The following TLE1 variants were observed in gnomAD, a reference collection of about 807,000 sequenced individuals.
TLE1 encodes TLE family member 1, transcriptional corepressor, also known as transducin-like enhancer protein 1.
In TLE1, 21 loss-of-function variants were observed where a neutral mutation model predicts 89.8. The observed-to-expected ratio is 0.23, with a 90% CI of 0.17 to 0.34. TLE1 has a LOEUF of 0.34. Ranked by LOEUF, TLE1 falls within the 10% of genes least tolerant of loss-of-function variation. The pLI is 1.00. For synonymous variants in TLE1, 447 were observed against 407.6 expected (o/e 1.10, Z -1.16); for missense variants, 795 against 1,031.2 (o/e 0.77, Z 3.14).
intron 11 of TLE1, among the ~76,000 whole-genome samples, chr9:81,613,941 T>G (rs1027917642): frequency 4.4e-5 from 6 of 135,134 alleles, no homozygotes; most frequent in South Asian, 2.4e-4. Flanking sequence ...GGAGTCTCAC[T>G]CTGTCACCCA....
intron 8 of TLE1, among the ~76,000 whole-genome samples, chr9:81,632,496 T>TTTA (rs1554681252): frequency 1.3e-5 from 2 of 149,392 alleles, no homozygotes; most frequent in Admixed American, 6.7e-5. Flanking sequence ...TTTTTTTTTT[T>TTTA]ACCATATTAA....
At chr9:81,634,018 T>G in intron 7 of TLE1, 79 bp downstream of exon 7, 1 of 1,450,736 alleles carries the variant, frequency 6.9e-7, no homozygotes, top group Non-Finnish European at 9.3e-7. Flanking sequence ...GTTGGGGCTC[T>G]CTTTAGCGAT....
chr9:81,616,224 G>C (rs1233438126), intron 10 of TLE1, 90 bp from the exon 11 acceptor site: 2 of 1,486,618 alleles, frequency 1.3e-6, no homozygotes, highest in African/African-American at 1.4e-5. Context: ...TTTAAGGACA[G>C]AGCTGAAAGT....
intron 4 of TLE1, among the ~76,000 whole-genome samples, chr9:81,654,331 A>C (rs1355402339): frequency 6.6e-6 from 1 of 152,054 alleles, no homozygotes; most frequent in East Asian, 1.9e-4. Context: ...GTGACTATAT[A>C]TATATACACA....
intron 8 of TLE1, among the ~76,000 whole-genome samples, chr9:81,627,908 G>A (rs1826095019): frequency 6.6e-6 from 1 of 152,086 alleles, no homozygotes; most frequent in South Asian, 2.1e-4. Context: ...CCTGTGTAAT[G>A]TGTATTTTAA....
At chr9:81,653,584 A>T (rs1829814536) in intron 5 of TLE1, among the ~76,000 whole-genome samples, 1 of 152,226 alleles carries the variant, frequency 6.6e-6, no homozygotes, top group Non-Finnish European at 1.5e-5. Context: ...AGTACAAAAG[A>T]ACTATCTGCC....
chr9:81,585,179 C>T (rs573718370), intron 18 of TLE1, among the ~76,000 whole-genome samples: 1 of 152,254 alleles, frequency 6.6e-6, no homozygotes, highest in South Asian at 2.1e-4. Flanking sequence ...TAATGACTTC[C>T]ACTGCCCCTG....
chr9:81,656,022 C>G (rs536066014), intron 4 of TLE1, among the ~76,000 whole-genome samples: 5 of 152,252 alleles, frequency 3.3e-5, no homozygotes, highest in South Asian at 2.1e-4. Flanking sequence ...TCCCTGACCA[C>G]CAATGAGACA....
At chr9:81,653,884 C>A in intron 5 of TLE1, 90 bp downstream of exon 5, 1 of 1,220,244 alleles carries the variant, frequency 8.2e-7, no homozygotes. Context: ...ACACTTGTTC[C>A]TTGTGATAAA....
intron 8 of TLE1, among the ~76,000 whole-genome samples, chr9:81,624,978 A>AC (rs373293783): frequency 3.9e-4 from 59 of 152,282 alleles, no homozygotes; most frequent in African/African-American, 1.3e-3. Flanking sequence ...AGGGTCAAGT[A>AC]CCCTGTACAT....
chr9:81,651,840 C>T (rs1188641733), intron 6 of TLE1, among the ~76,000 whole-genome samples: 1 of 151,964 alleles, frequency 6.6e-6, no homozygotes, highest in African/African-American at 2.4e-5. Flanking sequence ...GATTTAGGGA[C>T]GGGCAAGGGG....
chr9:81,622,096 CT>C (rs1279262713), intron 8 of TLE1, among the ~76,000 whole-genome samples: 1 of 152,196 alleles, frequency 6.6e-6, no homozygotes, highest in East Asian at 1.9e-4. Flanking sequence ...GCTGACAAGG[CT>C]GCAGGAGACC....
intron 17 of TLE1, among the ~76,000 whole-genome samples, 153 bp downstream of exon 17, chr9:81,587,528 T>A (rs1002848290): frequency 1.2e-4 from 19 of 152,138 alleles, no homozygotes; most frequent in African/African-American, 4.6e-4. Context: ...GAGGAGGTGG[T>A]GGTCATTGTT....
At chr9:81,674,764 G>A (rs191948605) in intron 4 of TLE1, among the ~76,000 whole-genome samples, 15 of 152,244 alleles carry the variant, frequency 9.9e-5, no homozygotes, top group Admixed American at 6.5e-4. Context: ...CCTAAAAACC[G>A]TGTAATGGTG....
intron 8 of TLE1, among the ~76,000 whole-genome samples, chr9:81,627,495 T>C (rs1026572994): frequency 3.3e-5 from 5 of 152,174 alleles, no homozygotes; most frequent in Admixed American, 6.5e-5. Flanking sequence ...ACTGGGGCTT[T>C]CCTTTGAAGG....
Position 81,681,902 on chromosome 9 carries a change from G to A in TLE1, c.234+3774C>T, listed in dbSNP as rs534921536. Among the ~76,000 whole-genome samples the A allele has an allele frequency of 4.6e-5, 7 of 152,182 alleles. No individual in the cohort carries two copies. The South Asian group carries it at 1.4e-3, about 32-fold the overall frequency. On this transcript the variant is annotated intron_variant, in intron 4 of 19. Transcript: ENST00000376499. ...TCAGAACTGAAGAGGCAGGCACTAGGGAGACATGGTCCACCTCATCTTCCT... is the reference window on the plus strand; with the variant it reads ...TCAGAACTGAAGAGGCAGGCACTAGAGAGACATGGTCCACCTCATCTTCCT...
At chr9:81,591,870 A>C (rs1829565301) in intron 15 of TLE1, among the ~76,000 whole-genome samples, 2 of 152,188 alleles carry the variant, frequency 1.3e-5, no homozygotes, top group Non-Finnish European at 2.9e-5. Context: ...TGTTTCCAAA[A>C]CACCGCCACT....
chr9:81,602,280 C>T (rs183645008), intron 14 of TLE1, among the ~76,000 whole-genome samples: 1 of 152,234 alleles, frequency 6.6e-6, no homozygotes, highest in East Asian at 1.9e-4. Context: ...GGGGATATTA[C>T]CAGCGGGGCC....
chr9:81,646,816 A>G (rs976609780), intron 6 of TLE1, among the ~76,000 whole-genome samples: 1 of 152,176 alleles, frequency 6.6e-6, no homozygotes, highest in African/African-American at 2.4e-5. Context: ...ACATCACAAA[A>G]TACCCTAGAC....
Sources: allele counts gnomAD v4.1 joint callset (sites outside exome capture counted in the v4.1 genomes callset), GRCh38; gene constraint gnomAD v4.1.1; transcripts MANE v1.5; gene names NCBI Gene and HGNC (gene_info 2026-07-23, HGNC 2026-07-21).